ACTN4: variants seen among roughly 807,000 people sequenced by gnomAD.
ACTN4 encodes the protein alpha-actinin-4.
Under a neutral mutation model 114.2 loss-of-function variants are expected in ACTN4, and 18 were observed. That is an observed-to-expected ratio of 0.16 (90% CI 0.11 to 0.23). The LOEUF is 0.23. Ranked by LOEUF, ACTN4 falls within the 10% of genes least tolerant of loss-of-function variation. The probability of loss-of-function intolerance (pLI) is 1.00; values close to 1 mark genes in which losing one functional copy is unlikely to be tolerated. For missense variants in ACTN4, 722 were observed against 1,262.9 expected (o/e 0.57, Z 6.49); for synonymous variants, 515 against 506.3 (o/e 1.02, Z -0.23).
intron 3 of ACTN4, among the ~76,000 whole-genome samples, chr19:38,703,398 C>T (rs1968348954): frequency 6.6e-6 from 1 of 151,254 alleles, no homozygotes; most frequent in African/African-American, 2.4e-5. Context: ...GCCACCACGC[C>T]AGGCTAATTT....
chr19:38,663,148 T>TGATCCACCCGCCTCAGCC (rs1976939397), intron 1 of ACTN4, among the ~76,000 whole-genome samples: 1 of 152,102 alleles, frequency 6.6e-6, no homozygotes, highest in Admixed American at 6.5e-5. Flanking sequence ...TGACCTCAGG[T>TGATCCACCCGCCTCAGCC]GATCCACCCG....
chr19:38,673,654 T>A (rs1568690432), intron 1 of ACTN4, among the ~76,000 whole-genome samples: 2 of 64,408 alleles, frequency 3.1e-5, no homozygotes, highest in African/African-American at 1.1e-4. Context: ...TATTTATATA[T>A]TTATATATAT....
Position 38,730,340 on chromosome 19 carries a change from G to A in ACTN4, c.*908G>A, listed in dbSNP as rs2145126842. ...CCCTTGCTGATGCTCCTCCGGGTCT[G>A]CGTCGGGCGTGGGTCTCTGGGGACC... is the stretch of plus-strand genomic sequence containing the variant. On this transcript the variant is annotated 3_prime_UTR_variant, in exon 21 of 21. Transcript: ENST00000252699. 5.8e-6 allele frequency: 1 copy of A among 170,992 alleles called. No homozygotes were observed. The highest frequency in any genetic ancestry group is 1.3e-5 in the Non-Finnish European group (1 of 78,648). The allele number at this position is 170,992 out of a possible 1,614,324, so 10.6% of individuals were successfully genotyped here.
In ACTN4 at chr19:38,714,534, G is replaced by A; in HGVS notation, c.885G>A (p.Met295Ile). 1 of 1,613,994 alleles carries A rather than the reference G, an allele frequency of 6.2e-7. No individual in the cohort carries two copies. Among genetic ancestry groups the A allele is most frequent in the Non-Finnish European group, 8.5e-7 (1 of 1,180,038 alleles). ...LAVNQENEHL[M>I]EDYEKLASDL... is the part of the protein sequence containing the mutation. Reference sequence around the variant, plus strand: ...TCAACCAAGAGAACGAGCACCTGATGGAGGACTACGAGAAGCTGGCCAGCG... The same window carrying A: ...TCAACCAAGAGAACGAGCACCTGATAGAGGACTACGAGAAGCTGGCCAGCG... Residue 295 changes from methionine (M) to isoleucine (I), a missense_variant, in exon 9 of 21, where the codon ATG (methionine) becomes ATA (isoleucine). Met to Ile is a conservative substitution (Grantham distance 10, BLOSUM62 1). Around this residue, in one of 3 missense-constraint regions of ACTN4, gnomAD observed 523 missense variants for 875.9 expected, o/e 0.60. Transcript: ENST00000252699.
intron 1 of ACTN4, among the ~76,000 whole-genome samples, chr19:38,671,378 A>G (rs1189531667): frequency 6.6e-6 from 1 of 152,244 alleles, no homozygotes; most frequent in Non-Finnish European, 1.5e-5. Context: ...TTCTGCACGC[A>G]CAATAACCTG....
At chr19:38,703,999 C>T (rs1346777174) in intron 3 of ACTN4, among the ~76,000 whole-genome samples, 1 of 152,150 alleles carries the variant, frequency 6.6e-6, no homozygotes, top group Non-Finnish European at 1.5e-5. Context: ...GATGGCAGGG[C>T]CTGGGCCTTC....
rs369380745 is a variant in ACTN4, at chr19:38,729,171, C to T, written c.2577+17C>T. ...GGGGACAAGGTGAGCGAGACCCCTA[C>T]GAGGTGCATGGGGGCTGGCGAGAGG... On this transcript the variant is annotated intron_variant, in intron 20 of 20. Coordinates refer to ENST00000252699, the MANE Select transcript of ACTN4 (RefSeq NM_004924.6). 153 of 1,612,678 alleles carry T rather than the reference C, an allele frequency of 9.5e-5. No individual in the cohort carries two copies. The highest frequency in any genetic ancestry group is 1.2e-4 in the Non-Finnish European group (143 of 1,179,968).
At position 38,714,451 on chromosome 19, in the gene ACTN4, C is replaced by T. The variant is rs1568733911; in HGVS notation, c.820-18C>T. 5 of 1,612,744 alleles carry T rather than the reference C, an allele frequency of 3.1e-6. No homozygotes were observed. Among genetic ancestry groups the T allele is most frequent in the Non-Finnish European group, 4.2e-6 (5 of 1,179,404 alleles). On this transcript the variant is annotated intron_variant, in intron 8 of 20. Transcript: ENST00000252699. Reference sequence around the variant, plus strand: ...GTGGCCAGCCCCCAGGCAGCCCTGACTGTGTGCTCCCCTCCAGGCTGAAAC... The same window carrying T: ...GTGGCCAGCCCCCAGGCAGCCCTGATTGTGTGCTCCCCTCCAGGCTGAAAC...
chr19:38,687,865 C>T (rs1466599506), intron 1 of ACTN4, among the ~76,000 whole-genome samples: 4 of 152,184 alleles, frequency 2.6e-5, no homozygotes, highest in African/African-American at 9.7e-5. Context: ...AATTGTATAT[C>T]TGATAAGGGT....
At chr19:38,699,694 G>A (rs532068642) in intron 1 of ACTN4, among the ~76,000 whole-genome samples, 2 of 151,870 alleles carry the variant, frequency 1.3e-5, no homozygotes, top group African/African-American at 4.8e-5. Context: ...GGTAGAGATT[G>A]CAGTGAGCTG....
Position 38,730,024 on chromosome 19 carries a change from G to A in ACTN4, c.*592G>A, listed in dbSNP as rs553824510. Reference sequence around the variant, plus strand: ...TTGGCAGACCGGGCCCCCCTGAACCGCACCCCATCCCACCAGCCCCGGCCT... The same window carrying A: ...TTGGCAGACCGGGCCCCCCTGAACCACACCCCATCCCACCAGCCCCGGCCT... On this transcript the variant is annotated 3_prime_UTR_variant, in exon 21 of 21. Coordinates refer to ENST00000252699, the MANE Select transcript of ACTN4 (RefSeq NM_004924.6). 4 of 224,034 alleles carry A rather than the reference G, an allele frequency of 1.8e-5. No homozygotes were observed. Among genetic ancestry groups the A allele is most frequent in the East Asian group, 1.3e-4 (1 of 7,532 alleles). 13.9% of individuals were successfully genotyped at this position (224,034 alleles called of 1,614,324 possible). A position where few individuals can be genotyped will look rare whatever the true frequency, so the allele number is the denominator to read the frequency against.
chr19:38,689,015 G>A (rs538986816), intron 1 of ACTN4, among the ~76,000 whole-genome samples: 4 of 152,226 alleles, frequency 2.6e-5, no homozygotes, highest in African/African-American at 9.6e-5. Context: ...GAGCCACCAC[G>A]CCCAGCCAAG....
At chr19:38,648,973 A>G (rs1208668103) in intron 1 of ACTN4, among the ~76,000 whole-genome samples, 1 of 151,798 alleles carries the variant, frequency 6.6e-6, no homozygotes, top group Non-Finnish European at 1.5e-5. Context: ...CGTAATGGAT[A>G]GACTGAGAAA....
chr19:38,703,726 C>T (rs1160018572), intron 3 of ACTN4, among the ~76,000 whole-genome samples: 4 of 152,086 alleles, frequency 2.6e-5, no homozygotes, highest in Non-Finnish European at 5.9e-5. Flanking sequence ...GTAAACAGCC[C>T]GACCAACATG....
rs1168829579 is a variant in ACTN4, at chr19:38,647,798, CGGGCAATGGCGCTGGCGGCGG to C, written c.59_79del (p.Asn20_Gly26del). ...TCGTACCAGTACGGCCCCAGCAGCGCGGGCAATGGCGCTGGCGGCGGGGGCAGCATGGGCGACTACATGGCC... is the reference window on the plus strand; with the variant it reads ...TCGTACCAGTACGGCCCCAGCAGCGCGGGCAGCATGGGCGACTACATGGCC... On this transcript the variant is annotated inframe_deletion, in exon 1 of 21. Transcript: ENST00000252699. 3 of 1,553,460 alleles carry C rather than the reference CGGGCAATGGCGCTGGCGGCGG, an allele frequency of 1.9e-6. No homozygotes were observed. Among genetic ancestry groups the C allele is most frequent in the Non-Finnish European group, 2.6e-6 (3 of 1,151,444 alleles).
chr19:38,653,085 CAAAA>C (rs3033329), intron 1 of ACTN4, among the ~76,000 whole-genome samples: 1 of 125,172 alleles, frequency 8.0e-6, no homozygotes, highest in Admixed American at 8.3e-5. Flanking sequence ...GACTCCATCT[CAAAA>C]AAAAAAAAAA....
intron 17 of ACTN4, 65 bp from the exon 18 acceptor site, chr19:38,726,892 G>T (rs533725137): frequency 6.8e-6 from 11 of 1,607,354 alleles, no homozygotes; most frequent in Admixed American, 3.4e-5. Flanking sequence ...AGTCCTCCAC[G>T]TGTGAACCAC....
intron 1 of ACTN4, among the ~76,000 whole-genome samples, chr19:38,691,427 A>C: frequency 6.6e-6 from 1 of 151,210 alleles, no homozygotes; most frequent in Non-Finnish European, 1.5e-5. Context: ...AAAAAAACAA[A>C]AAAAAAAACC....
At chr19:38,697,937 G>A (rs922572516) in intron 1 of ACTN4, among the ~76,000 whole-genome samples, 5 of 152,252 alleles carry the variant, frequency 3.3e-5, no homozygotes, top group African/African-American at 1.2e-4. Context: ...CTGCCATCAA[G>A]GCTGGCAGTG....
Sources: gnomAD v4.1 joint callset for allele counts (sites outside exome capture counted in the v4.1 genomes callset) on GRCh38, gnomAD v4.1.1 for gene constraint, gnomAD v4.1.1 regional missense constraint, MANE v1.5 for transcripts, NCBI Gene and HGNC (gene_info 2026-07-23, HGNC 2026-07-21) for gene names.